NRG3: variants seen among roughly 807,000 people sequenced by gnomAD.
NRG3 encodes the protein pro-neuregulin-3, membrane-bound isoform.
In NRG3, 31 loss-of-function variants were observed where a neutral mutation model predicts 66.9. The observed-to-expected ratio is 0.46, with a 90% confidence interval of 0.35 to 0.63. NRG3 has a LOEUF of 0.63. NRG3 is among the 20% of genes least tolerant of loss of function. The pLI is 0.00. For missense variants in NRG3, 910 were observed against 878.9 expected (o/e 1.04, Z -0.45); for synonymous variants, 393 against 359.4 (o/e 1.09, Z -1.06).
chr10:82,173,404 AAAATAT>A (rs1240106410), intron 1 of NRG3, among the ~76,000 whole-genome samples: 2 of 152,130 alleles, frequency 1.3e-5, no homozygotes, highest in Non-Finnish European at 1.5e-5. Flanking sequence ...ATGCTGATGT[AAAATAT>A]AAATATAAAC....
intron 1 of NRG3, among the ~76,000 whole-genome samples, chr10:82,241,565 A>C (rs61863006): frequency 0.12 from 18,721 of 152,084 alleles, 1,216 homozygotes; most frequent in Non-Finnish European, 0.15. Context: ...CACATAATAC[A>C]TTTTAAATTG....
chr10:81,901,635 TCCAG>T (rs1170402674), intron 1 of NRG3, among the ~76,000 whole-genome samples: 1 of 151,954 alleles, frequency 6.6e-6, no homozygotes, highest in Non-Finnish European at 1.5e-5. Flanking sequence ...ATCACTGCAT[TCCAG>T]CCTAGGCAAC....
chr10:82,323,454 G>A (rs11193708), intron 1 of NRG3, among the ~76,000 whole-genome samples: 2,316 of 150,358 alleles, frequency 0.015, 50 homozygotes, highest in African/African-American at 0.052. Context: ...CTTCACATAC[G>A]TGGGATAAAC....
chr10:82,945,781 T>C (rs1848964019), intron 4 of NRG3, among the ~76,000 whole-genome samples: 2 of 152,198 alleles, frequency 1.3e-5, no homozygotes, highest in Admixed American at 1.3e-4. Context: ...ACAATGACTA[T>C]TCAATTTCCA....
intron 1 of NRG3, among the ~76,000 whole-genome samples, chr10:82,175,187 A>T (rs1265099744): frequency 6.6e-6 from 1 of 151,966 alleles, no homozygotes; most frequent in Non-Finnish European, 1.5e-5. Flanking sequence ...CCTCACCAAC[A>T]CGAGGTCAGG....
At chr10:82,179,051 T>A (rs1209562705) in intron 1 of NRG3, among the ~76,000 whole-genome samples, 2 of 152,088 alleles carry the variant, frequency 1.3e-5, no homozygotes, top group African/African-American at 4.8e-5. Context: ...TGAAGAAATG[T>A]TTATTCAGGC....
At chr10:81,978,231 A>G (rs777614303) in intron 1 of NRG3, among the ~76,000 whole-genome samples, 1 of 152,212 alleles carries the variant, frequency 6.6e-6, no homozygotes, top group Non-Finnish European at 1.5e-5. Flanking sequence ...AAATACGGAT[A>G]TATGGATGAG....
At chr10:82,174,395 A>G (rs201492050) in intron 1 of NRG3, among the ~76,000 whole-genome samples, 8 of 151,512 alleles carry the variant, frequency 5.3e-5, no homozygotes, top group East Asian at 1.9e-4. Context: ...TCGTATCTCC[A>G]TAATTTTGCC....
intron 2 of NRG3, among the ~76,000 whole-genome samples, chr10:82,415,273 G>C (rs1402355988): frequency 6.6e-6 from 1 of 152,094 alleles, no homozygotes; most frequent in Non-Finnish European, 1.5e-5. Context: ...CACTTAGTCT[G>C]GAAAATGTCG....
chr10:82,977,220 G>A (rs1355799773), intron 7 of NRG3, among the ~76,000 whole-genome samples: 3 of 152,164 alleles, frequency 2.0e-5, no homozygotes, highest in East Asian at 1.9e-4. Flanking sequence ...AGGCAAGGAA[G>A]CAAATTAGCT....
intron 1 of NRG3, among the ~76,000 whole-genome samples, chr10:82,012,629 T>C (rs2061627477): frequency 6.6e-6 from 1 of 152,200 alleles, no homozygotes. Context: ...TACATAAAAC[T>C]GAATGCATTT....
At chr10:82,973,500 T>C (rs965367181) in intron 6 of NRG3, among the ~76,000 whole-genome samples, 42 of 152,176 alleles carry the variant, frequency 2.8e-4, no homozygotes, top group African/African-American at 1.0e-3. Flanking sequence ...CTGTCAGTCA[T>C]AGTGTGCCAT....
chr10:82,393,976 A>T (rs991283536), intron 2 of NRG3, among the ~76,000 whole-genome samples: 1 of 152,066 alleles, frequency 6.6e-6, no homozygotes, highest in African/African-American at 2.4e-5. Context: ...TTTTATTCCA[A>T]TATCCTATGT....
chr10:82,254,036 C>A (rs1279069948), intron 1 of NRG3, among the ~76,000 whole-genome samples: 1 of 152,184 alleles, frequency 6.6e-6, no homozygotes, highest in Non-Finnish European at 1.5e-5. Flanking sequence ...CAGTTTTTCA[C>A]GAAGCCCCCT....
chr10:82,632,571 A>ATTTCATTT (rs2049915346), intron 2 of NRG3, among the ~76,000 whole-genome samples: 1 of 151,852 alleles, frequency 6.6e-6, no homozygotes, highest in South Asian at 2.1e-4. Flanking sequence ...TCATTATCGT[A>ATTTCATTT]TTTCATTTTC....
At chr10:82,568,768 A>G (rs2045564066) in intron 2 of NRG3, among the ~76,000 whole-genome samples, 1 of 151,798 alleles carries the variant, frequency 6.6e-6, no homozygotes, top group Admixed American at 6.6e-5. Context: ...ATAACACGGA[A>G]ACTCCTTGTT....
intron 2 of NRG3, among the ~76,000 whole-genome samples, chr10:82,560,956 A>T (rs1011100569): frequency 2.6e-5 from 4 of 152,028 alleles, no homozygotes; most frequent in Admixed American, 2.0e-4. Flanking sequence ...GGTAGTATTT[A>T]TTGAAGATTA....
intron 2 of NRG3, among the ~76,000 whole-genome samples, chr10:82,462,167 A>G (rs1409051199): frequency 2.0e-5 from 3 of 152,068 alleles, no homozygotes; most frequent in African/African-American, 7.2e-5. Flanking sequence ...CTATCTATCT[A>G]TCTATCTTCA....
At chr10:82,576,335 C>A (rs1249601608) in intron 2 of NRG3, among the ~76,000 whole-genome samples, 1 of 151,444 alleles carries the variant, frequency 6.6e-6, no homozygotes, top group African/African-American at 2.4e-5. Flanking sequence ...TACTTCTTTT[C>A]CCTTATATTC....
Sources: allele counts gnomAD v4.1 joint callset (sites outside exome capture counted in the v4.1 genomes callset), GRCh38; gene constraint gnomAD v4.1.1; transcripts MANE v1.5; gene names NCBI Gene and HGNC (gene_info 2026-07-23, HGNC 2026-07-21).